PFKL: variants seen among roughly 807,000 people sequenced by gnomAD.
The protein encoded by PFKL is ATP-dependent 6-phosphofructokinase, liver type.
A neutral mutation model predicts 92.1 loss-of-function variants in PFKL; 74 were observed. The observed-to-expected ratio is 0.80, with a 90% CI of 0.67 to 0.97. The LOEUF is 0.97. Ranked by LOEUF, PFKL falls within the 50% of genes least tolerant of loss-of-function variation. The pLI is 0.00. For missense variants in PFKL, 1,028 were observed against 1,116.6 expected, an observed-to-expected ratio of 0.92 and a Z score of 1.13; for synonymous variants, 494 against 456.4, an observed-to-expected ratio of 1.08 and a Z score of -1.05.
At chr21:44,300,582 A>T (rs1568936715) in intron 1 of PFKL, among the ~76,000 whole-genome samples, 1 of 151,886 alleles carries the variant, frequency 6.6e-6, no homozygotes, top group Non-Finnish European at 1.5e-5. Flanking sequence ...GTGCCTCCCG[A>T]GGGCCGGCGC....
At chr21:44,313,251 C>A (rs1184446008) in intron 5 of PFKL, 108 bp downstream of exon 5, 8 of 1,281,134 alleles carry the variant, frequency 6.2e-6, no homozygotes, top group Non-Finnish European at 8.7e-6. Context: ...CTCTGGTAGC[C>A]CCAGCATCCA....
chr21:44,316,913 A>G (rs570379683), intron 9 of PFKL, among the ~76,000 whole-genome samples: 5 of 151,540 alleles, frequency 3.3e-5, no homozygotes, highest in African/African-American at 1.2e-4. Flanking sequence ...TCTGACCCCC[A>G]CCCTCTGCCA....
At chr21:44,321,134 G>A (rs2047344199) in intron 12 of PFKL, 1 of 152,284 alleles carries the variant, frequency 6.6e-6, no homozygotes, top group African/African-American at 2.4e-5. Context: ...GGAGCCCTTG[G>A]GTGTGGCTGC....
intron 14 of PFKL, among the ~76,000 whole-genome samples, chr21:44,322,544 G>A (rs1048474382): frequency 1.3e-5 from 2 of 152,204 alleles, no homozygotes; most frequent in Non-Finnish European, 1.5e-5. Context: ...TTGTCCCAGG[G>A]CCTGAGACCC....
Position 44,326,344 on chromosome 21 carries a change from C to A in PFKL, c.2195+80C>A. 8 of 1,043,828 alleles carry A rather than the reference C, an allele frequency of 7.7e-6. No homozygotes were observed. The South Asian group carries it at 1.0e-4, about 13-fold the overall frequency. The allele number at this position is 1,043,828 out of a possible 1,614,324, so 64.7% of individuals were successfully genotyped here. ...CTTCCCTGAGGCAGGTGTGCCAGGC[C>A]CAGCCCCACTGGCACCCTGACCCCG... On this transcript the variant is annotated intron_variant, in intron 21 of 21. Coordinates refer to ENST00000349048, the MANE Select transcript of PFKL (RefSeq NM_002626.6).
Position 44,321,755 on chromosome 21 carries a change from T to C in PFKL, c.1218T>C (p.Asn406=). ...EKSNFSLAIL[N]VGAPAAGMNA... ...CTAACTTCTCCCTGGCCATCCTGAA[T>C]GTGGGGGCCCCGGCGGCTGGCATGA... is the stretch of plus-strand genomic sequence containing the variant. Residue 406 remains asparagine, a synonymous_variant, in exon 13 of 22, where the codon AAT becomes AAC. Coordinates refer to ENST00000349048, the MANE Select transcript of PFKL (RefSeq NM_002626.6). 1.3e-6 allele frequency: 2 copies of C among 1,588,238 alleles called. No homozygotes were observed. The highest frequency in any genetic ancestry group is 1.7e-6 in the Non-Finnish European group (2 of 1,168,462).
At chr21:44,318,102 G>C (rs1450511188) in intron 9 of PFKL, among the ~76,000 whole-genome samples, 1 of 152,266 alleles carries the variant, frequency 6.6e-6, no homozygotes, top group Non-Finnish European at 1.5e-5. Flanking sequence ...GGGAAGTCAC[G>C]ACATGAGGGC....
Position 44,325,250 on chromosome 21 carries a change from G to A in PFKL, c.1975G>A (p.Gly659Ser). The change falls in exon 19 of 22, where the codon GGC becomes AGC. Residue 659 changes from glycine (G) to serine (S), a missense_variant. Coordinates refer to ENST00000349048, the MANE Select transcript of PFKL (RefSeq NM_002626.6). The part of the protein sequence containing the change: ...GVFDCRTNVL[G>S]HLQQGGAPTP... Reference sequence around the variant, plus strand: ...CTTCGACTGCAGGACCAATGTCCTGGGCCACCTGCAGCAGGTGTGGGGCAG... The same window carrying A: ...CTTCGACTGCAGGACCAATGTCCTGAGCCACCTGCAGCAGGTGTGGGGCAG... The A allele has an allele frequency of 2.5e-6, 4 of 1,605,238 alleles. No individual in the cohort carries two copies. Among genetic ancestry groups the A allele is most frequent in the Middle Eastern group, 1.7e-4 (1 of 6,054 alleles).
intron 19 of PFKL, 51 bp downstream of exon 19, chr21:44,325,315 C>A (rs1347732209): frequency 3.2e-6 from 4 of 1,269,010 alleles, no homozygotes; most frequent in Non-Finnish European, 4.6e-6. Flanking sequence ...TTCCTGCCAC[C>A]ATCTGTCCCC....
intron 1 of PFKL, chr21:44,305,783 T>G: frequency 7.3e-7 from 1 of 1,366,368 alleles, no homozygotes. Context: ...GCCTCCCCCG[T>G]TAATGTCCCT....
intron 12 of PFKL, 108 bp from the exon 13 acceptor site, chr21:44,321,621 C>G: frequency 8.7e-7 from 1 of 1,143,494 alleles, no homozygotes; most frequent in East Asian, 2.8e-5. Flanking sequence ...AGGCTGCTGG[C>G]AGGGCCTGGC....
chr21:44,305,707 C>G lies in PFKL; in HGVS notation c.86-974C>G, dbSNP rs1265800164. 4 of 1,232,088 alleles carry G rather than the reference C, an allele frequency of 3.2e-6. No individual in the cohort carries two copies. In the Admixed American group the frequency reaches 9.0e-5, roughly 28 times the overall value. The allele number at this position is 1,232,088 out of a possible 1,614,324, so 76.3% of individuals were successfully genotyped here. A position where few individuals can be genotyped will look rare whatever the true frequency, so the allele number is the denominator to read the frequency against. ...CCCTTTTGTATGAAGTCATGGATAT[C>G]TTTTGAGATGGGGGCTCTCGGGAAG... On this transcript the variant is annotated intron_variant, in intron 1 of 21. Transcript: ENST00000349048.
At chr21:44,326,374 G>A (rs372405380) in intron 21 of PFKL, 110 bp downstream of exon 21, 2 of 805,874 alleles carry the variant, frequency 2.5e-6, no homozygotes, top group Non-Finnish European at 4.0e-6. Flanking sequence ...ACCCCGCAAG[G>A]CCTCCTGGGC....
intron 4 of PFKL, 53 bp from the exon 5 acceptor site, chr21:44,312,925 T>C: frequency 6.4e-7 from 1 of 1,571,914 alleles, no homozygotes; most frequent in Non-Finnish European, 8.7e-7. Flanking sequence ...TCTCTGGCCC[T>C]GTGGTGGGGC....
chr21:44,316,549 C>T (rs371979989), intron 9 of PFKL, 25 bp downstream of exon 9: 22 of 1,540,350 alleles, frequency 1.4e-5, no homozygotes, highest in Middle Eastern at 2.2e-4. Flanking sequence ...CCCTGCCCTG[C>T]GTACGTGCGT....
Position 44,306,765 on chromosome 21 carries a change from G to A in PFKL, c.159+11G>A, listed in dbSNP as rs1397710240. On this transcript the variant is annotated intron_variant, in intron 2 of 21. Transcript: ENST00000349048. ...TTCCTCATCTACGAGGTAAGGCCAA[G>A]GTGGGCTGTGTGTGTGCAGGGAGTG... The A allele has an allele frequency of 1.9e-6, 3 of 1,612,758 alleles. No homozygotes were observed. In the South Asian group the frequency reaches 3.3e-5, roughly 18 times the overall value.
chr21:44,324,453 G>T (rs756240303), intron 16 of PFKL, 38 bp from the exon 17 acceptor site: 1 of 1,607,976 alleles, frequency 6.2e-7, no homozygotes, highest in South Asian at 1.1e-5. Flanking sequence ...GGGAAGGGTG[G>T]GCACGTGGAG....
chr21:44,326,078 C>A lies in PFKL; in HGVS notation c.2089+18C>A. 6.2e-7 allele frequency: 1 copy of A among 1,610,526 alleles called. No homozygotes were observed. ...CCGCAAGGGTAGGTGGTGGGTGCGACCCGAGGCCTCACTTTGCCCTCCCCT... is the reference window on the plus strand; with the variant it reads ...CCGCAAGGGTAGGTGGTGGGTGCGAACCGAGGCCTCACTTTGCCCTCCCCT... On this transcript the variant is annotated intron_variant, in intron 20 of 21. Transcript: ENST00000349048.
intron 10 of PFKL, among the ~76,000 whole-genome samples, chr21:44,319,030 G>C (rs1045144271): frequency 6.6e-6 from 1 of 152,148 alleles, no homozygotes; most frequent in Admixed American, 6.5e-5. Flanking sequence ...AGAGGCGAGG[G>C]GGCCGGGTGT....
Sources: allele counts gnomAD v4.1 joint callset (sites outside exome capture counted in the v4.1 genomes callset), GRCh38; gene constraint gnomAD v4.1.1; transcripts MANE v1.5; gene names NCBI Gene and HGNC (gene_info 2026-07-23, HGNC 2026-07-21).